EFR3A: variants seen among roughly 807,000 people sequenced by gnomAD.
EFR3A encodes the protein EFR3 homolog A.
Under a neutral mutation model 104.4 loss-of-function variants are expected in EFR3A, and 76 were observed. The observed-to-expected ratio is 0.73, with a 90% CI of 0.60 to 0.88. The LOEUF is 0.88. Among genes scored for constraint, EFR3A ranks in the 40% least tolerant of loss-of-function variants. EFR3A has a pLI of 0.00. For missense variants in EFR3A, 985 were observed against 1,012.5 expected (o/e 0.97, Z 0.37); for synonymous variants, 330 against 330.0 (o/e 1.00, Z 0.00).
At chr8:132,010,449 T>TATATATA (rs1326843233) in intron 22 of EFR3A, among the ~76,000 whole-genome samples, 6 of 128,390 alleles carry the variant, frequency 4.7e-5, no homozygotes, top group Non-Finnish European at 9.9e-5. Context: ...TATATATATA[T>TATATATA]AATGAAATAC....
At chr8:131,939,337 C>G (rs533389040) in intron 1 of EFR3A, among the ~76,000 whole-genome samples, 1 of 152,220 alleles carries the variant, frequency 6.6e-6, no homozygotes, top group East Asian at 1.9e-4. Flanking sequence ...TGTTCTTTAA[C>G]CCATGGCTGT....
At chr8:131,941,409 G>A (rs953347671) in intron 2 of EFR3A, among the ~76,000 whole-genome samples, 3 of 151,858 alleles carry the variant, frequency 2.0e-5, no homozygotes, top group Admixed American at 1.3e-4. Context: ...ACTGTATAAA[G>A]CTTTTGATTA....
chr8:131,950,829 A>G lies in EFR3A; in HGVS notation c.488+739A>G, dbSNP rs184212672. On this transcript the variant is annotated intron_variant, in intron 5 of 22. Coordinates refer to ENST00000254624, the MANE Select transcript of EFR3A (RefSeq NM_015137.6). ...ATGACAACTGTCTTGGACATTTTTA[A>G]ACATTTCTTCTGGATATATCCTACT... Among the ~76,000 whole-genome samples, 42 of 152,276 alleles carry G rather than the reference A, an allele frequency of 2.8e-4. 1 individual carries two copies. The highest frequency in any genetic ancestry group is 2.1e-3 in the Admixed American group (32 of 15,280).
intron 1 of EFR3A, among the ~76,000 whole-genome samples, chr8:131,925,474 A>G (rs1017065195): frequency 1.3e-5 from 2 of 152,084 alleles, no homozygotes; most frequent in African/African-American, 4.8e-5. Flanking sequence ...CCAATCAATA[A>G]TATGTGATGA....
At chr8:131,944,904 C>A in intron 3 of EFR3A, 32 bp downstream of exon 3, 1 of 1,592,790 alleles carries the variant, frequency 6.3e-7, no homozygotes, top group Non-Finnish European at 8.5e-7. Context: ...AAAATAGTAT[C>A]TTTGGAAAAT....
intron 2 of EFR3A, among the ~76,000 whole-genome samples, chr8:131,942,146 G>C (rs563023656): frequency 2.0e-5 from 3 of 152,102 alleles, no homozygotes; most frequent in African/African-American, 7.2e-5. Flanking sequence ...TTGAACACTT[G>C]ATCATTGAAA....
intron 8 of EFR3A, among the ~76,000 whole-genome samples, chr8:131,967,300 G>C (rs1819789262): frequency 6.6e-6 from 1 of 152,078 alleles, no homozygotes; most frequent in South Asian, 2.1e-4. Flanking sequence ...GATGAAATCT[G>C]TTACTTGATA....
chr8:131,953,609 C>G (rs1191955674), intron 5 of EFR3A, among the ~76,000 whole-genome samples: 2 of 152,018 alleles, frequency 1.3e-5, no homozygotes, highest in Non-Finnish European at 2.9e-5. Flanking sequence ...ATTTTAAGAA[C>G]ATGATATTTG....
In EFR3A at chr8:131,927,602, T is replaced by G. The variant is rs569395805; in HGVS notation, c.11-12897T>G. Among the ~76,000 whole-genome samples the G allele has an allele frequency of 1.8e-3, 280 of 152,314 alleles. 2 individuals carry two copies. Among genetic ancestry groups the G allele is most frequent in the African/African-American group, 6.5e-3 (272 of 41,568 alleles). The stretch of plus-strand genomic sequence containing the variant: ...GCAAAGTCGGTATAGTATTACATGG[T>G]TATAAGGTGGTCATACATATACTCA... On this transcript the variant is annotated intron_variant, in intron 1 of 22. Transcript: ENST00000254624.
At chr8:131,906,041 T>A (rs536533341) in intron 1 of EFR3A, among the ~76,000 whole-genome samples, 1 of 152,352 alleles carries the variant, frequency 6.6e-6, no homozygotes, top group South Asian at 2.1e-4. Flanking sequence ...GTGAAATGTT[T>A]GTTTTATCTG....
chr8:131,922,634 T>C (rs1308554554), intron 1 of EFR3A, among the ~76,000 whole-genome samples: 1 of 152,130 alleles, frequency 6.6e-6, no homozygotes, highest in Non-Finnish European at 1.5e-5. Flanking sequence ...ATTTCTCTCT[T>C]AAATTCTCCA....
At position 131,988,714 on chromosome 8, in the gene EFR3A, C is replaced by T. The variant is rs1286810275; in HGVS notation, c.2065+1012C>T. ...GCTCTCTTTCCTTCAAGCAAAAAAC[C>T]TCTTAAACCCAGGCACAAGCACAAA... On this transcript the variant is annotated intron_variant, in intron 18 of 22. Transcript: ENST00000254624. Among the ~76,000 whole-genome samples, 7 of 151,884 alleles carry T rather than the reference C, an allele frequency of 4.6e-5. No homozygotes were observed. In the South Asian group the frequency reaches 1.5e-3, roughly 32 times the overall value.
chr8:131,956,533 G>A (rs913622628), intron 7 of EFR3A, among the ~76,000 whole-genome samples: 12 of 152,116 alleles, frequency 7.9e-5, no homozygotes, highest in Non-Finnish European at 7.4e-5. Context: ...AATATTCTGT[G>A]TAATTTCTGG....
At chr8:132,008,970 G>A (rs1822186790) in intron 22 of EFR3A, among the ~76,000 whole-genome samples, 1 of 148,508 alleles carries the variant, frequency 6.7e-6, no homozygotes, top group African/African-American at 2.5e-5. Context: ...GTACCCTTAA[G>A]ATCAGTTTAT....
At chr8:131,992,691 AGAG>A (rs1247278367) in intron 18 of EFR3A, among the ~76,000 whole-genome samples, 1 of 152,168 alleles carries the variant, frequency 6.6e-6, no homozygotes, top group Non-Finnish European at 1.5e-5. Context: ...TCTGTAGTGA[AGAG>A]GATGACGAAG....
rs1347785472 is a variant in EFR3A, at chr8:131,962,009, TGA to T, written c.855+2351_855+2352del. Among the ~76,000 whole-genome samples the T allele has an allele frequency of 3.3e-5, 5 of 152,260 alleles. No homozygotes were observed. The East Asian group carries it at 9.6e-4, about 29-fold the overall frequency. ...AAATACTCTACAGACAAGCAAATGC[TGA>T]GAGATTTTGTCACCACCAGGCCTGC... is the stretch of plus-strand genomic sequence containing the variant. On this transcript the variant is annotated intron_variant, in intron 8 of 22. Transcript: ENST00000254624.
At chr8:131,991,623 G>T (rs557879850) in intron 18 of EFR3A, among the ~76,000 whole-genome samples, 3 of 152,036 alleles carry the variant, frequency 2.0e-5, no homozygotes, top group African/African-American at 7.2e-5. Context: ...CAACATAGGG[G>T]ATTTTGCTAA....
At chr8:131,958,289 T>G (rs1243647090) in intron 7 of EFR3A, among the ~76,000 whole-genome samples, 1 of 152,136 alleles carries the variant, frequency 6.6e-6, no homozygotes, top group African/African-American at 2.4e-5. Context: ...CTTCTGAGAG[T>G]GAAGATGGAA....
In EFR3A at chr8:132,002,484, A is replaced by G; in HGVS notation, c.2207-119A>G. On this transcript the variant is annotated intron_variant, in intron 20 of 22. Coordinates refer to ENST00000254624, the MANE Select transcript of EFR3A (RefSeq NM_015137.6). ...TTAGGCCTTTTTATTTTTTTCTTATAGAAGCCCTGTAAATTGCCCTTAATT... is the reference window on the plus strand; with the variant it reads ...TTAGGCCTTTTTATTTTTTTCTTATGGAAGCCCTGTAAATTGCCCTTAATT... 4 of 712,280 alleles carry G rather than the reference A, an allele frequency of 5.6e-6. 1 individual carries two copies. In the South Asian group the frequency reaches 9.9e-5, roughly 18 times the overall value. 44.1% of individuals were successfully genotyped at this position (712,280 alleles called of 1,614,324 possible). A position where few individuals can be genotyped will look rare whatever the true frequency, so the allele number is the denominator to read the frequency against.
Sources: gnomAD v4.1 joint callset for allele counts (sites outside exome capture counted in the v4.1 genomes callset) on GRCh38, gnomAD v4.1.1 for gene constraint, MANE v1.5 for transcripts, NCBI Gene and HGNC (gene_info 2026-07-23, HGNC 2026-07-21) for gene names.